DOCK7: variants seen among roughly 807,000 people sequenced by gnomAD.
DOCK7 encodes the protein dedicator of cytokinesis protein 7.
DOCK7 carries 138 observed loss-of-function variants against 271.0 expected under a neutral mutation model. The ratio of observed to expected loss-of-function variants is 0.51; its 90% CI spans 0.44 to 0.59. DOCK7 has a LOEUF of 0.59. DOCK7 is among the 20% of genes least tolerant of loss of function. The pLI is 0.00. For missense variants in DOCK7, 2,066 were observed against 2,592.4 expected (o/e 0.80, Z 4.41); for synonymous variants, 823 against 876.1 (o/e 0.94, Z 1.07).
chr1:62,651,985 T>C (rs1325431256), intron 4 of DOCK7, among the ~76,000 whole-genome samples: 1 of 152,176 alleles, frequency 6.6e-6, no homozygotes, highest in East Asian at 1.9e-4. Flanking sequence ...TGCCAGTACC[T>C]AGTCTTCTGG....
At chr1:62,519,901 A>C (rs977516346) in intron 31 of DOCK7, among the ~76,000 whole-genome samples, 2 of 152,206 alleles carry the variant, frequency 1.3e-5, no homozygotes, top group Non-Finnish European at 2.9e-5. Context: ...GTACCAAAAC[A>C]GATACATAGA....
chr1:62,669,698 T>C (rs539736844), intron 1 of DOCK7, among the ~76,000 whole-genome samples: 3 of 152,322 alleles, frequency 2.0e-5, no homozygotes, highest in African/African-American at 7.2e-5. Context: ...AGTCAAAACT[T>C]CATCTTATTG....
chr1:62,593,674 A>C (rs1012364807), intron 14 of DOCK7, among the ~76,000 whole-genome samples: 4 of 152,148 alleles, frequency 2.6e-5, no homozygotes, highest in Non-Finnish European at 5.9e-5. Flanking sequence ...AACACACAAA[A>C]CAGTAAGATA....
intron 16 of DOCK7, among the ~76,000 whole-genome samples, chr1:62,580,194 T>C (rs935521376): frequency 2.0e-5 from 3 of 152,168 alleles, no homozygotes; most frequent in Admixed American, 2.0e-4. Flanking sequence ...CTATCTCAAA[T>C]AAGCCTCAAA....
chr1:62,473,321 G>C (rs547866777), intron 48 of DOCK7, among the ~76,000 whole-genome samples: 1 of 152,134 alleles, frequency 6.6e-6, no homozygotes, highest in Admixed American at 6.5e-5. Flanking sequence ...TTTACTGCTT[G>C]TAAGTATTCT....
Position 62,475,753 on chromosome 1 carries a change from G to C in DOCK7, c.5915C>G (p.Ala1972Gly), listed in dbSNP as rs755106204. Residue 1972 changes from alanine (A) to glycine (G), a missense_variant, in exon 46 of 50, where the codon GCC becomes GGC. Around this residue, in one of 2 missense-constraint regions of DOCK7, gnomAD observed 652 missense variants for 922.1 expected, o/e 0.71. Coordinates refer to ENST00000635253, the MANE Select transcript of DOCK7 (RefSeq NM_001367561.1). ...GACCCTTGTTTTAATATAAGGAAAG[G>C]CATGAGACGTAGTCAGAATGGTCTT... The part of the protein sequence containing the change: ...KRKTILTTSH[A>G]FPYIKTRVNV... 3 of 1,613,960 alleles carry C rather than the reference G, an allele frequency of 1.9e-6. No individual in the cohort carries two copies. Among genetic ancestry groups the C allele is most frequent in the Non-Finnish European group, 2.5e-6 (3 of 1,179,904 alleles).
intron 1 of DOCK7, among the ~76,000 whole-genome samples, chr1:62,670,188 C>T (rs1557886788): frequency 6.6e-6 from 1 of 152,254 alleles, no homozygotes; most frequent in Non-Finnish European, 1.5e-5. Flanking sequence ...CCGTGGGCTC[C>T]TTTGCGGCCC....
intron 17 of DOCK7, 78 bp downstream of exon 17, chr1:62,578,750 A>C: frequency 9.7e-7 from 1 of 1,030,964 alleles, no homozygotes; most frequent in Non-Finnish European, 1.4e-6. Flanking sequence ...CCCACAAATG[A>C]CCAGAAATAT....
chr1:62,608,349 G>C (rs1007816652), intron 14 of DOCK7: 1 of 151,966 alleles, frequency 6.6e-6, no homozygotes, highest in African/African-American at 2.4e-5. Context: ...TCATCAAAAC[G>C]ATCTACTTTT....
chr1:62,488,988 T>C lies in DOCK7; in HGVS notation c.5439A>G (p.Lys1813=), dbSNP rs1419811907. 1.9e-6 allele frequency: 3 copies of C among 1,613,502 alleles called. No individual in the cohort carries two copies. Among genetic ancestry groups the C allele is most frequent in the African/African-American group, 1.3e-5 (1 of 74,906 alleles). Residue 1813 remains lysine, a synonymous_variant, in exon 42 of 50, where the codon AAA becomes AAG. Transcript: ENST00000635253. ...GAAGTTTACCATGAATTGTGGATAGTTTCTTTGCATCCCGATTAGCTTCAT... is the reference window on the plus strand; with the variant it reads ...GAAGTTTACCATGAATTGTGGATAGCTTCTTTGCATCCCGATTAGCTTCAT... The part of the protein sequence containing the change: ...PIHEANRDAK[K]LSTIHGKLQE...
intron 1 of DOCK7, among the ~76,000 whole-genome samples, chr1:62,666,325 T>C (rs1659314774): frequency 6.6e-6 from 1 of 152,194 alleles, no homozygotes; most frequent in Non-Finnish European, 1.5e-5. Flanking sequence ...TGAAACATAG[T>C]TACTTCAAAA....
chr1:62,540,414 T>C (rs1645491207), intron 25 of DOCK7, among the ~76,000 whole-genome samples: 2 of 152,028 alleles, frequency 1.3e-5, no homozygotes, highest in Non-Finnish European at 2.9e-5. Context: ...CTCAAGTGTT[T>C]CCTCTGCCTC....
chr1:62,529,438 C>T lies in DOCK7; in HGVS notation c.3620G>A (p.Gly1207Glu), dbSNP rs748694932. Residue 1207 changes from glycine (G) to glutamate (E), a missense_variant, in exon 30 of 50, where the codon GGA (glycine) becomes GAA (glutamate). Physicochemically the swap from Gly to Glu is moderately conservative, Grantham distance 98. Around this residue, in one of 2 missense-constraint regions of DOCK7, gnomAD observed 1,414 missense variants for 1,670.4 expected, o/e 0.85. Transcript: ENST00000635253. ...ILDPDAEGLF[G>E]LHKKVINMVH... is the part of the protein sequence containing the mutation. ...CATATTGATGACTTTCTTATGCAAT[C>T]CAAACAGTCTATTTAAAAAGAAGAA... is the stretch of plus-strand genomic sequence containing the variant. 4 of 1,603,918 alleles carry T rather than the reference C, an allele frequency of 2.5e-6. No individual in the cohort carries two copies. In the African/African-American group the frequency reaches 4.0e-5, roughly 16 times the overall value.
chr1:62,510,722 C>T (rs1159494419), intron 33 of DOCK7, 49 bp from the exon 34 acceptor site: 2 of 1,397,872 alleles, frequency 1.4e-6, no homozygotes, highest in African/African-American at 2.8e-5. Context: ...TTCAGTTGGA[C>T]CACATATATG....
intron 1 of DOCK7, among the ~76,000 whole-genome samples, chr1:62,668,483 T>A (rs1659566155): frequency 6.6e-6 from 1 of 152,214 alleles, no homozygotes; most frequent in South Asian, 2.1e-4. Context: ...AGGTAATACA[T>A]AAGAGTCATT....
intron 33 of DOCK7, 96 bp from the exon 34 acceptor site, chr1:62,510,769 T>A: frequency 1.1e-6 from 1 of 934,096 alleles, no homozygotes; most frequent in Non-Finnish European, 1.6e-6. Context: ...ACAACAATAA[T>A]TTGTACAAGC....
chr1:62,487,653 G>C (rs1169243059), intron 42 of DOCK7: 2 of 414,024 alleles, frequency 4.8e-6, no homozygotes, highest in South Asian at 3.9e-5. Flanking sequence ...TAGGGAAAGA[G>C]AGCCAGCAGC....
At chr1:62,517,028 T>G (rs918656393) in intron 31 of DOCK7, among the ~76,000 whole-genome samples, 2 of 152,238 alleles carry the variant, frequency 1.3e-5, no homozygotes, top group African/African-American at 4.8e-5. Context: ...TTGATGCTTT[T>G]AGCTCCTGAC....
intron 42 of DOCK7, 47 bp from the exon 43 acceptor site, chr1:62,487,459 G>C (rs1181484125): frequency 6.3e-7 from 1 of 1,590,682 alleles, no homozygotes; most frequent in Non-Finnish European, 8.6e-7. Context: ...AAAACTGTTT[G>C]AAAGAACAAA....
Sources: gnomAD v4.1 joint callset for allele counts (sites outside exome capture counted in the v4.1 genomes callset) on GRCh38, gnomAD v4.1.1 for gene constraint, gnomAD v4.1.1 regional missense constraint, MANE v1.5 for transcripts, NCBI Gene and HGNC (gene_info 2026-07-23, HGNC 2026-07-21) for gene names.